The following DIAPH3 variants were observed in gnomAD, a reference collection of about 807,000 sequenced individuals.
DIAPH3 encodes the protein protein diaphanous homolog 3.
Under a neutral mutation model 144.3 loss-of-function variants are expected in DIAPH3, and 117 were observed. That is an observed-to-expected ratio of 0.81 (90% CI 0.70 to 0.95). The LOEUF is 0.95. Among genes scored for constraint, DIAPH3 ranks in the 40% least tolerant of loss-of-function variants. DIAPH3 has a pLI of 0.00. For missense variants in DIAPH3, 1,421 were observed against 1,412.7 expected (o/e 1.01, Z -0.09); for synonymous variants, 519 against 488.9 (o/e 1.06, Z -0.81).
At chr13:60,110,562 T>C (rs1266633906) in intron 3 of DIAPH3, among the ~76,000 whole-genome samples, 1 of 152,230 alleles carries the variant, frequency 6.6e-6, no homozygotes, top group Non-Finnish European at 1.5e-5. Flanking sequence ...AGTTTTTCCC[T>C]ACAGAGTACT....
intron 4 of DIAPH3, among the ~76,000 whole-genome samples, chr13:60,053,880 A>G (rs1258543120): frequency 1.3e-5 from 2 of 152,136 alleles, no homozygotes; most frequent in African/African-American, 4.8e-5. Context: ...ATATATCTAC[A>G]CACTCTGAAA....
At chr13:59,962,713 T>TA (rs535863626) in intron 17 of DIAPH3, among the ~76,000 whole-genome samples, 6 of 150,686 alleles carry the variant, frequency 4.0e-5, no homozygotes, top group African/African-American at 7.3e-5. Flanking sequence ...TCCTGACCCT[T>TA]AAAAAAAAAC....
At chr13:60,013,856 C>T (rs188074076) in intron 7 of DIAPH3, among the ~76,000 whole-genome samples, 2 of 152,174 alleles carry the variant, frequency 1.3e-5, no homozygotes, top group East Asian at 3.9e-4. Context: ...CCAAAAATTT[C>T]ACATATTGCT....
At chr13:60,005,511 T>C (rs889986463) in intron 9 of DIAPH3, among the ~76,000 whole-genome samples, 1 of 152,132 alleles carries the variant, frequency 6.6e-6, no homozygotes, top group Non-Finnish European at 1.5e-5. Context: ...CAGAGAGTCT[T>C]GCTCTGTTGC....
chr13:59,948,068 C>T lies in DIAPH3; in HGVS notation c.2074+21876G>A, dbSNP rs138429347. ...CAACAGACACAGTCTCTTAATAATC[C>T]TAAAAGTAGTATTAACTCTCTTTTT... On this transcript the variant is annotated intron_variant, in intron 17 of 27. Transcript: ENST00000400324. Among the ~76,000 whole-genome samples, 567 of 152,178 alleles carry T rather than the reference C, an allele frequency of 3.7e-3. 2 individuals are homozygous for T. Among genetic ancestry groups the T allele is most frequent in the African/African-American group, 0.012 (501 of 41,506 alleles).
rs139165638 is a variant in DIAPH3, at chr13:59,783,059, A to G, written c.3164-8236T>C. Among the ~76,000 whole-genome samples, 413 of 152,322 alleles carry G rather than the reference A, an allele frequency of 2.7e-3. 3 individuals carry two copies. Among genetic ancestry groups the G allele is most frequent in the African/African-American group, 9.5e-3 (393 of 41,570 alleles). Reference sequence around the variant, plus strand: ...TTAAGCTAGGAAGTAACATGGTCAAATTTCTACTTTAGAAAGAATATTTTG... The same window carrying G: ...TTAAGCTAGGAAGTAACATGGTCAAGTTTCTACTTTAGAAAGAATATTTTG... On this transcript the variant is annotated intron_variant, in intron 25 of 27. Transcript: ENST00000400324.
chr13:59,686,699 G>A (rs796803868), intron 27 of DIAPH3, among the ~76,000 whole-genome samples: 6 of 152,090 alleles, frequency 3.9e-5, no homozygotes, highest in African/African-American at 9.6e-5. Flanking sequence ...AAAGTTTTGC[G>A]GGAGAATAGG....
chr13:59,848,307 C>T (rs369992943), intron 22 of DIAPH3, among the ~76,000 whole-genome samples: 60 of 128,060 alleles, frequency 4.7e-4, no homozygotes, highest in South Asian at 1.0e-3. Context: ...AAAGTCAAAT[C>T]TTTTTTTTTT....
At chr13:59,869,257 T>C (rs1248789041) in intron 21 of DIAPH3, among the ~76,000 whole-genome samples, 1 of 152,216 alleles carries the variant, frequency 6.6e-6, no homozygotes, top group Admixed American at 6.5e-5. Flanking sequence ...ACATATGCAG[T>C]GGTGTCTTAT....
At chr13:59,910,270 G>A (rs2046928340) in intron 20 of DIAPH3, among the ~76,000 whole-genome samples, 1 of 151,418 alleles carries the variant, frequency 6.6e-6, no homozygotes, top group Non-Finnish European at 1.5e-5. Context: ...GGCAAATAGA[G>A]TATCAAATAG....
chr13:59,815,894 C>T (rs2040744519), intron 24 of DIAPH3, among the ~76,000 whole-genome samples: 1 of 152,030 alleles, frequency 6.6e-6, no homozygotes, highest in Non-Finnish European at 1.5e-5. Flanking sequence ...TTTACATTTT[C>T]AACTCCTACT....
At chr13:59,837,822 C>T (rs941338944) in intron 23 of DIAPH3, 2 of 149,966 alleles carry the variant, frequency 1.3e-5, no homozygotes, top group African/African-American at 2.4e-5. Context: ...AAGGCATCCT[C>T]CCTAATGAAA....
chr13:60,145,655 CA>C (rs1294286585), intron 1 of DIAPH3, among the ~76,000 whole-genome samples: 1 of 152,048 alleles, frequency 6.6e-6, no homozygotes, highest in Non-Finnish European at 1.5e-5. Flanking sequence ...TCTCAAAAAA[CA>C]AAACCTCAAA....
intron 1 of DIAPH3, among the ~76,000 whole-genome samples, chr13:60,148,096 C>A (rs1229694492): frequency 6.6e-6 from 1 of 152,078 alleles, no homozygotes; most frequent in Non-Finnish European, 1.5e-5. Context: ...AGTTAAAGAT[C>A]AAGAAGTTGA....
At chr13:60,162,809 TCACACACACA>T (rs35687460) in intron 1 of DIAPH3, among the ~76,000 whole-genome samples, 4 of 122,424 alleles carry the variant, frequency 3.3e-5, no homozygotes, top group Non-Finnish European at 6.7e-5. Flanking sequence ...TCTCTCTCTC[TCACACACACA>T]CACACACACA....
At chr13:59,813,790 G>A (rs755253971) in intron 24 of DIAPH3, among the ~76,000 whole-genome samples, 45 of 149,278 alleles carry the variant, frequency 3.0e-4, no homozygotes, top group South Asian at 8.6e-4. Context: ...GATGCAGGCG[G>A]CAGAGGTTTC....
At chr13:60,013,304 T>G in intron 7 of DIAPH3, 2 of 796,386 alleles carry the variant, frequency 2.5e-6, no homozygotes, top group Non-Finnish European at 3.0e-6. Flanking sequence ...ATGCTCTAAA[T>G]CCTCGTGTAG....
At chr13:59,927,914 A>T (rs2047831977) in intron 17 of DIAPH3, among the ~76,000 whole-genome samples, 1 of 152,134 alleles carries the variant, frequency 6.6e-6, no homozygotes, top group Non-Finnish European at 1.5e-5. Context: ...GTGTATCTGG[A>T]TGTCTATTTC....
At chr13:59,826,133 C>A (rs2041401515) in intron 24 of DIAPH3, among the ~76,000 whole-genome samples, 1 of 151,932 alleles carries the variant, frequency 6.6e-6, no homozygotes, top group African/African-American at 2.4e-5. Flanking sequence ...GACAGGGATG[C>A]CCTCTCTCAC....
Sources: allele counts gnomAD v4.1 joint callset (sites outside exome capture counted in the v4.1 genomes callset), GRCh38; gene constraint gnomAD v4.1.1; transcripts MANE v1.5; gene names NCBI Gene and HGNC (gene_info 2026-07-23, HGNC 2026-07-21).